Variants in MECOM observed in about 807,000 individuals in gnomAD.
The protein encoded by MECOM is histone-lysine N-methyltransferase MECOM.
Under a neutral mutation model 116.3 loss-of-function variants are expected in MECOM, and 13 were observed. The observed-to-expected ratio is 0.11, with a 90% CI of 0.07 to 0.18. The LOEUF (loss-of-function observed/expected upper bound fraction) is 0.18, where lower values mean the gene tolerates loss of function less well. Ranked by LOEUF, MECOM falls within the 10% of genes least tolerant of loss-of-function variation. The probability of loss-of-function intolerance (pLI) is 1.00; values close to 1 mark genes in which losing one functional copy is unlikely to be tolerated. For synonymous variants in MECOM, 528 were observed against 535.2 expected (o/e 0.99, Z 0.19); for missense variants, 1,299 against 1,509.0 (o/e 0.86, Z 2.31).
chr3:169,269,900 A>G (rs1265824820), intron 2 of MECOM, among the ~76,000 whole-genome samples: 1 of 152,118 alleles, frequency 6.6e-6, no homozygotes. Context: ...ATAATTATTC[A>G]TTAAGTGGAA....
At chr3:169,155,725 T>C (rs1444758214) in intron 2 of MECOM, among the ~76,000 whole-genome samples, 1 of 152,130 alleles carries the variant, frequency 6.6e-6, no homozygotes, top group Non-Finnish European at 1.5e-5. Context: ...CTAGGCCCAT[T>C]TCCTGCTTGT....
In MECOM at chr3:169,211,704, C is replaced by A. The variant is rs541574453; in HGVS notation, c.376-67872G>T. On this transcript the variant is annotated intron_variant, in intron 2 of 16. Transcript: ENST00000651503. The stretch of plus-strand genomic sequence containing the variant: ...GGCTGTTTTCCTTTCTCTTTCTGCA[C>A]TGTCTTATTGAGATGTTTCATCCAG... 2.0e-5 allele frequency among the ~76,000 whole-genome samples: 3 copies of A among 152,174 alleles called. No homozygotes were observed. The East Asian group carries it at 5.8e-4, about 29-fold the overall frequency.
At chr3:169,176,337 G>A (rs367760175) in intron 2 of MECOM, among the ~76,000 whole-genome samples, 7 of 152,192 alleles carry the variant, frequency 4.6e-5, no homozygotes, top group African/African-American at 1.7e-4. Context: ...TAAGAATGAG[G>A]TAGGCATTGA....
chr3:169,347,796 A>G (rs150166694), intron 2 of MECOM, among the ~76,000 whole-genome samples: 4 of 152,182 alleles, frequency 2.6e-5, no homozygotes, highest in Non-Finnish European at 2.9e-5. Flanking sequence ...GCAAGAGCTC[A>G]GGGAATGGAT....
At chr3:169,562,358 T>C (rs1333111154) in intron 1 of MECOM, among the ~76,000 whole-genome samples, 1 of 152,022 alleles carries the variant, frequency 6.6e-6, no homozygotes, top group African/African-American at 2.4e-5. Flanking sequence ...GTAAGTAAAG[T>C]CGTTTGCAGT....
At chr3:169,282,383 C>G (rs914657511) in intron 2 of MECOM, among the ~76,000 whole-genome samples, 2 of 152,106 alleles carry the variant, frequency 1.3e-5, no homozygotes, top group African/African-American at 4.8e-5. Context: ...GGTATCCCCC[C>G]AGATATGCTG....
At chr3:169,526,846 AT>A (rs932765888) in intron 1 of MECOM, among the ~76,000 whole-genome samples, 7 of 151,032 alleles carry the variant, frequency 4.6e-5, no homozygotes, top group African/African-American at 1.7e-4. Flanking sequence ...ACAAAGGTTT[AT>A]TTTTTTTTCT....
At chr3:169,122,031 A>G (rs1006604461) in intron 6 of MECOM, among the ~76,000 whole-genome samples, 1 of 152,220 alleles carries the variant, frequency 6.6e-6, no homozygotes, top group East Asian at 1.9e-4. Flanking sequence ...CATAGTTCAC[A>G]GTTATGGTCT....
intron 2 of MECOM, among the ~76,000 whole-genome samples, chr3:169,206,000 G>A (rs879532611): frequency 5.9e-5 from 9 of 152,118 alleles, no homozygotes; most frequent in Non-Finnish European, 1.2e-4. Flanking sequence ...ACTTGCTGGG[G>A]CTGAGTAGCG....
At chr3:169,259,760 G>A (rs866699221) in intron 2 of MECOM, among the ~76,000 whole-genome samples, 2 of 152,170 alleles carry the variant, frequency 1.3e-5, no homozygotes, top group Middle Eastern at 3.2e-3. Context: ...CTCATTGGAG[G>A]GCTTACTTGA....
chr3:169,106,541 C>A (rs1419952290), intron 10 of MECOM, among the ~76,000 whole-genome samples: 1 of 152,038 alleles, frequency 6.6e-6, no homozygotes, highest in Non-Finnish European at 1.5e-5. Context: ...TAAATCACAT[C>A]TCTGAAAAAC....
chr3:169,331,954 C>T (rs1722801027), intron 2 of MECOM, among the ~76,000 whole-genome samples: 1 of 148,542 alleles, frequency 6.7e-6, no homozygotes, highest in Admixed American at 6.7e-5. Flanking sequence ...AGAGTCACTG[C>T]ATACATTTAC....
At chr3:169,628,437 G>T (rs1771652411) in intron 1 of MECOM, among the ~76,000 whole-genome samples, 1 of 152,190 alleles carries the variant, frequency 6.6e-6, no homozygotes, top group Non-Finnish European at 1.5e-5. Context: ...AGTGTTAGAG[G>T]TTACACTCAT....
In MECOM at chr3:169,145,112, A is replaced by C; in HGVS notation, c.376-1280T>G. ...TAAGTCGTCCCAAAATTTAAAAAAG[A>C]AAAATCGAACATAAGATAGGGATAT... On this transcript the variant is annotated intron_variant, in intron 2 of 16. Coordinates refer to ENST00000651503, the MANE Select transcript of MECOM (RefSeq NM_004991.4). 5 of 1,260,192 alleles carry C rather than the reference A, an allele frequency of 4.0e-6. No homozygotes were observed. The South Asian group carries it at 7.1e-5, about 18-fold the overall frequency. 78.1% of individuals were successfully genotyped at this position (1,260,192 alleles called of 1,614,324 possible).
At chr3:169,096,000 T>C (rs1721325876) in intron 12 of MECOM, among the ~76,000 whole-genome samples, 2 of 152,080 alleles carry the variant, frequency 1.3e-5, no homozygotes, top group African/African-American at 2.4e-5. Flanking sequence ...AAAGCACTTA[T>C]TATTGGTTGG....
intron 2 of MECOM, among the ~76,000 whole-genome samples, chr3:169,319,188 G>A (rs9822778): frequency 0.54 from 82,114 of 151,940 alleles, 24,228 homozygotes; most frequent in East Asian, 0.87. Flanking sequence ...ATGCCCATCA[G>A]TGATCGACTG....
intron 2 of MECOM, among the ~76,000 whole-genome samples, chr3:169,204,483 T>G (rs1749639409): frequency 6.6e-6 from 1 of 152,168 alleles, no homozygotes; most frequent in Non-Finnish European, 1.5e-5. Context: ...TTTGTATAAT[T>G]GGAAACAGAA....
intron 7 of MECOM, among the ~76,000 whole-genome samples, chr3:169,117,222 T>G (rs1450553257): frequency 6.6e-6 from 1 of 152,154 alleles, no homozygotes; most frequent in Non-Finnish European, 1.5e-5. Flanking sequence ...AACTTCACCT[T>G]TATTGCCTCT....
At chr3:169,277,960 G>A (rs1759819630) in intron 2 of MECOM, among the ~76,000 whole-genome samples, 1 of 152,190 alleles carries the variant, frequency 6.6e-6, no homozygotes, top group Non-Finnish European at 1.5e-5. Context: ...TAACCCTGAA[G>A]TTCCTGGTTC....
Sources: allele counts gnomAD v4.1 joint callset (sites outside exome capture counted in the v4.1 genomes callset), GRCh38; gene constraint gnomAD v4.1.1; transcripts MANE v1.5; gene names NCBI Gene and HGNC (gene_info 2026-07-23, HGNC 2026-07-21).